The following MANBA variants were observed in gnomAD, a reference collection of about 807,000 sequenced individuals.
MANBA encodes mannosidase beta.
MANBA carries 83 observed loss-of-function variants against 111.1 expected under a neutral mutation model. The ratio of observed to expected loss-of-function variants is 0.75; its 90% confidence interval spans 0.63 to 0.90. The LOEUF (loss-of-function observed/expected upper bound fraction) is 0.90. MANBA is among the 40% of genes least tolerant of loss of function. MANBA has a pLI of 0.00. For missense variants in MANBA, 1,036 were observed against 1,069.0 expected (o/e 0.97, Z 0.43); for synonymous variants, 370 against 378.7 (o/e 0.98, Z 0.27).
intron 1 of MANBA, chr4:102,727,851 C>A: frequency 1.7e-6 from 1 of 594,338 alleles, no homozygotes; most frequent in South Asian, 1.7e-5. Context: ...AGACTCAGGT[C>A]TCCTAAAGAT....
Position 102,739,449 on chromosome 4 carries a change from T to G in MANBA, c.178-12766A>C, listed in dbSNP as rs116895838. Among the ~76,000 whole-genome samples, 55 of 152,234 alleles carry G rather than the reference T, an allele frequency of 3.6e-4. 1 individual carries two copies. The East Asian group carries it at 0.01, about 29-fold the overall frequency. ...GAAAGAGGGAATCCTCCCTAAATAATTATATGAAGCCAGTACTATCACCTA... is the reference window on the plus strand; with the variant it reads ...GAAAGAGGGAATCCTCCCTAAATAAGTATATGAAGCCAGTACTATCACCTA... On this transcript the variant is annotated intron_variant, in intron 1 of 16. Transcript: ENST00000647097.
intron 5 of MANBA, among the ~76,000 whole-genome samples, chr4:102,702,334 C>T (rs227293): frequency 0.65 from 97,819 of 151,432 alleles, 31,839 homozygotes; most frequent in South Asian, 0.79. Context: ...AGTTTGATCG[C>T]CTGAAGCCTT....
chr4:102,664,198 C>A (rs1731097607), intron 11 of MANBA, among the ~76,000 whole-genome samples: 2 of 152,288 alleles, frequency 1.3e-5, no homozygotes, highest in South Asian at 4.1e-4. Flanking sequence ...AGAAGTTAAT[C>A]CTCCAAAAAG....
At chr4:102,641,289 G>C (rs991175907) in intron 13 of MANBA, among the ~76,000 whole-genome samples, 1 of 152,212 alleles carries the variant, frequency 6.6e-6, no homozygotes, top group Non-Finnish European at 1.5e-5. Context: ...GGGAGCAATG[G>C]AAGAGAAGCT....
At chr4:102,743,026 T>C (rs889977920) in intron 1 of MANBA, among the ~76,000 whole-genome samples, 1 of 152,202 alleles carries the variant, frequency 6.6e-6, no homozygotes, top group Non-Finnish European at 1.5e-5. Context: ...CATGGGCCCA[T>C]TGGGCAATGA....
chr4:102,638,055 G>T (rs532526631), intron 14 of MANBA, among the ~76,000 whole-genome samples: 7 of 152,242 alleles, frequency 4.6e-5, no homozygotes, highest in African/African-American at 1.2e-4. Flanking sequence ...TGCTTGGTGT[G>T]TGGGGGAAGT....
At position 102,671,380 on chromosome 4, in the gene MANBA, C is replaced by G. The variant is rs762175890; in HGVS notation, c.1131G>C (p.Gln377His). 4.2e-5 allele frequency: 67 copies of G among 1,603,400 alleles called. No homozygotes were observed. Among genetic ancestry groups the G allele is most frequent in the Middle Eastern group, 3.3e-4 (2 of 6,070 alleles). ...TATTCATATTAGCATCCACAACAGA[C>G]TGTAAAAGGAGCCGTAACCTGTAGA... ...VTSELLRLLL[Q>H]SVVDANMNTL... is the part of the protein sequence containing the mutation. The change falls in exon 9 of 17, where the codon CAG becomes CAC. Residue 377 changes from glutamine to histidine, a missense_variant. Gln to His is a conservative substitution (Grantham distance 24). Coordinates refer to ENST00000647097, the MANE Select transcript of MANBA (RefSeq NM_005908.4).
Position 102,689,605 on chromosome 4 carries a change from T to C in MANBA, c.929A>G (p.Asp310Gly), listed in dbSNP as rs754870130. The C allele has an allele frequency of 2.5e-6, 4 of 1,607,734 alleles. No homozygotes were observed. The South Asian group carries it at 3.3e-5, about 13-fold the overall frequency. The change falls in exon 7 of 17, where the codon GAT (aspartate) becomes GGT (glycine). Residue 310 changes from aspartate (D) to glycine (G), a missense_variant. By Grantham distance (94) the Asp-to-Gly change is moderately conservative. Coordinates refer to ENST00000647097, the MANE Select transcript of MANBA (RefSeq NM_005908.4). ...TGATTTTTCAATATTTAAGCCTCCA[T>C]CCAGTTCAAAAAGAACAGTCATGTT... ...GYNMTVLFEL[D>G]GGLNIEKSAK...
intron 14 of MANBA, among the ~76,000 whole-genome samples, chr4:102,637,546 AT>A (rs1729684891): frequency 6.6e-6 from 1 of 152,204 alleles, no homozygotes; most frequent in African/African-American, 2.4e-5. Context: ...GTTATCAATC[AT>A]GGCTGTCCAA....
intron 4 of MANBA, among the ~76,000 whole-genome samples, chr4:102,718,721 T>G (rs1722445833): frequency 6.6e-6 from 1 of 152,164 alleles, no homozygotes; most frequent in Non-Finnish European, 1.5e-5. Context: ...CAACATAGGT[T>G]CTTTTCTATT....
intron 1 of MANBA, among the ~76,000 whole-genome samples, chr4:102,756,478 T>A (rs933911345): frequency 6.6e-6 from 1 of 151,600 alleles, no homozygotes; most frequent in African/African-American, 2.4e-5. Context: ...TGTCATGAGG[T>A]TGGGGGCTGG....
chr4:102,753,951 G>C (rs223492), intron 1 of MANBA: 159,274 of 420,784 alleles, frequency 0.38, 30,827 homozygotes, highest in Admixed American at 0.47. Context: ...ATGCAGTGAG[G>C]AAGATGATGC....
chr4:102,747,240 C>G (rs62327252), intron 1 of MANBA, among the ~76,000 whole-genome samples: 3,139 of 152,036 alleles, frequency 0.021, 66 homozygotes, highest in Non-Finnish European at 0.028. Flanking sequence ...CATCTGCAAG[C>G]TGAGAAGCAA....
chr4:102,637,670 G>A (rs1356612819), intron 14 of MANBA, among the ~76,000 whole-genome samples: 1 of 152,182 alleles, frequency 6.6e-6, no homozygotes, highest in African/African-American at 2.4e-5. Context: ...CCTGGAGGGT[G>A]GCACACCCCA....
intron 1 of MANBA, among the ~76,000 whole-genome samples, chr4:102,736,227 A>C (rs1232144731): frequency 1.3e-5 from 2 of 152,204 alleles, no homozygotes; most frequent in African/African-American, 4.8e-5. Flanking sequence ...TAACATCACA[A>C]CACCACCAAT....
intron 5 of MANBA, among the ~76,000 whole-genome samples, chr4:102,702,596 G>T (rs2110260069): frequency 6.6e-6 from 1 of 152,204 alleles, no homozygotes; most frequent in African/African-American, 2.4e-5. Flanking sequence ...TCAGCTGCAG[G>T]TCTGTTGGAG....
chr4:102,710,988 CA>C (rs1284957123), intron 5 of MANBA, among the ~76,000 whole-genome samples: 1 of 152,022 alleles, frequency 6.6e-6, no homozygotes, highest in African/African-American at 2.4e-5. Flanking sequence ...AAGACTTAAA[CA>C]TAAGACCTGA....
chr4:102,650,560 T>G lies in MANBA; in HGVS notation c.1846A>C (p.Lys616Gln), dbSNP rs772091430. 23 of 1,613,300 alleles carry G rather than the reference T, an allele frequency of 1.4e-5. No individual in the cohort carries two copies. The highest frequency in any genetic ancestry group is 1.3e-5 in the Non-Finnish European group (15 of 1,179,382). ...ACCTGAGTAAGGTAGATGGTATCTTTAAATGTGCGTAATGGATCTGTGCTT... is the reference window on the plus strand; with the variant it reads ...ACCTGAGTAAGGTAGATGGTATCTTGAAATGTGCGTAATGGATCTGTGCTT... ...PQSTDPLRTFKDTIYLTQVMQ... is the reference protein window; with the variant it reads ...PQSTDPLRTFQDTIYLTQVMQ... Residue 616 changes from lysine (K) to glutamine (Q), a missense_variant, in exon 13 of 17, where the codon AAA (lysine) becomes CAA (glutamine). Transcript: ENST00000647097.
At position 102,664,817 on chromosome 4, in the gene MANBA, T is replaced by A. The variant is rs757021334; in HGVS notation, c.1353A>T (p.Ile451=). ...CCTCATTTTCATTATTGCCACTCCATATGATGATAGAAGGATGAGATTTCA... is the reference window on the plus strand; with the variant it reads ...CCTCATTTTCATTATTGCCACTCCAAATGATGATAGAAGGATGAGATTTCA... The part of the protein sequence containing the change: ...KRLKSHPSII[I]WSGNNENEEA... Residue 451 remains isoleucine, a synonymous_variant, in exon 11 of 17, where the codon ATA becomes ATT. Coordinates refer to ENST00000647097, the MANE Select transcript of MANBA (RefSeq NM_005908.4). The A allele has an allele frequency of 6.2e-7, 1 of 1,608,528 alleles. No homozygotes were observed.
Sources: gnomAD v4.1 joint callset for allele counts (sites outside exome capture counted in the v4.1 genomes callset) on GRCh38, gnomAD v4.1.1 for gene constraint, MANE v1.5 for transcripts, NCBI Gene and HGNC (gene_info 2026-07-23, HGNC 2026-07-21) for gene names.